Variants in SPMIP3 observed in about 807,000 individuals in gnomAD.
SPMIP3 encodes protein SPMIP3.
At chr1:244,373,205 A>G in the SPMIP3 span, among the ~76,000 whole-genome samples, 19 of 150,732 alleles carry the variant, frequency 1.3e-4, no homozygotes, top group Non-Finnish European at 2.1e-4. Context: ...ACATAATGAG[A>G]CCCTGTCTTT....
At chr1:244,366,131 G>A in the SPMIP3 span, among the ~76,000 whole-genome samples, 5 of 152,104 alleles carry the variant, frequency 3.3e-5, no homozygotes, top group East Asian at 1.9e-4. Context: ...CTGTAGCCCC[G>A]TTGGCTTTGT....
At chr1:244,360,246 G>A in the SPMIP3 span, among the ~76,000 whole-genome samples, 1 of 152,062 alleles carries the variant, frequency 6.6e-6, no homozygotes, top group Non-Finnish European at 1.5e-5. Context: ...TGGAGAAAGG[G>A]GAACCTTCAT....
the SPMIP3 span, chr1:244,378,591 A>G: frequency 1.2e-6 from 2 of 1,614,196 alleles, no homozygotes; most frequent in Non-Finnish European, 8.5e-7. Flanking sequence ...GCCATGGTAT[A>G]AAGAAACCAC....
At chr1:244,372,843 A>G in the SPMIP3 span, among the ~76,000 whole-genome samples, 1 of 152,154 alleles carries the variant, frequency 6.6e-6, no homozygotes, top group African/African-American at 2.4e-5. Context: ...CACCTTCCCA[A>G]TGATGGCCAT....
the SPMIP3 span, among the ~76,000 whole-genome samples, chr1:244,373,971 G>A: frequency 1.3e-4 from 20 of 152,080 alleles, no homozygotes; most frequent in East Asian, 1.2e-3. Flanking sequence ...AAATTAGCCC[G>A]GTGTGGTGGC....
the SPMIP3 span, among the ~76,000 whole-genome samples, chr1:244,374,077 C>A: frequency 6.6e-6 from 1 of 152,140 alleles, no homozygotes. Context: ...TGGGCCACTG[C>A]ACTCCAGCCT....
chr1:244,362,014 C>T, the SPMIP3 span, among the ~76,000 whole-genome samples: 2 of 152,142 alleles, frequency 1.3e-5, no homozygotes, highest in Non-Finnish European at 2.9e-5. Context: ...TTCTCTTTCT[C>T]TCTCTCTCTC....
chr1:244,370,069 T>C, the SPMIP3 span, among the ~76,000 whole-genome samples: 8 of 152,324 alleles, frequency 5.3e-5, no homozygotes, highest in South Asian at 1.7e-3. Context: ...TAAATGACTT[T>C]GGGGCTGCTT....
chr1:244,360,746 T>G, the SPMIP3 span, among the ~76,000 whole-genome samples: 1 of 152,010 alleles, frequency 6.6e-6, no homozygotes. Flanking sequence ...TAGCTGGGCA[T>G]GATGGCAGGT....
chr1:244,361,007 G>A, the SPMIP3 span, among the ~76,000 whole-genome samples: 620 of 152,008 alleles, frequency 4.1e-3, 7 homozygotes, highest in African/African-American at 0.014. Flanking sequence ...CTAATATGTG[G>A]GAGCTTGAAA....
chr1:244,363,018 G>T, the SPMIP3 span, among the ~76,000 whole-genome samples: 92,897 of 140,216 alleles, frequency 0.66, 31,807 homozygotes, highest in Admixed American at 0.76. Flanking sequence ...TTTTTTTTTT[G>T]TTGTTGTATT....
chr1:244,372,632 A>G, the SPMIP3 span, among the ~76,000 whole-genome samples: 2 of 151,986 alleles, frequency 1.3e-5, no homozygotes, highest in African/African-American at 2.4e-5. Flanking sequence ...TTTAGTAGAG[A>G]CTGGGTTTCA....
At chr1:244,367,197 CAGG>C in the SPMIP3 span, among the ~76,000 whole-genome samples, 1 of 152,106 alleles carries the variant, frequency 6.6e-6, no homozygotes, top group Non-Finnish European at 1.5e-5. Context: ...ACGGTAGAGG[CAGG>C]AGAAGTTCCC....
the SPMIP3 span, among the ~76,000 whole-genome samples, chr1:244,385,795 A>G: frequency 1.3e-5 from 2 of 152,166 alleles, no homozygotes; most frequent in African/African-American, 4.8e-5. Context: ...ATGGAATTGC[A>G]TATATCACTG....
At chr1:244,355,148 G>A in the SPMIP3 span, among the ~76,000 whole-genome samples, 1 of 152,162 alleles carries the variant, frequency 6.6e-6, no homozygotes, top group Non-Finnish European at 1.5e-5. Flanking sequence ...AGACAGACCT[G>A]GCTGTGTGAA....
At chr1:244,374,601 T>C in the SPMIP3 span, among the ~76,000 whole-genome samples, 1 of 140,012 alleles carries the variant, frequency 7.1e-6, no homozygotes, top group South Asian at 2.3e-4. Context: ...TTTTTTTTTT[T>C]TTTTTTTTTT....
At chr1:244,375,588 G>A in the SPMIP3 span, 2 of 599,490 alleles carry the variant, frequency 3.3e-6, no homozygotes, top group Admixed American at 3.2e-5. Context: ...AAATAATAAT[G>A]GATAGAAGAG....
At chr1:244,355,572 G>A in the SPMIP3 span, among the ~76,000 whole-genome samples, 1 of 152,206 alleles carries the variant, frequency 6.6e-6, no homozygotes, top group Non-Finnish European at 1.5e-5. Flanking sequence ...GTTTTTAGTA[G>A]AGACAGAGTT....
the SPMIP3 span, among the ~76,000 whole-genome samples, chr1:244,369,202 C>T: frequency 2.0e-5 from 3 of 152,148 alleles, no homozygotes; most frequent in Non-Finnish European, 2.9e-5. Context: ...CTGGTGCCAT[C>T]CCCTGGCTAC....
Sources: allele counts gnomAD v4.1 joint callset (sites outside exome capture counted in the v4.1 genomes callset), GRCh38; gene constraint gnomAD v4.1.1; transcripts MANE v1.5; gene names NCBI Gene and HGNC (gene_info 2026-07-23, HGNC 2026-07-21).